SPATA13: variants seen among roughly 807,000 people sequenced by gnomAD.
SPATA13 encodes spermatogenesis associated 13.
SPATA13 carries 50 observed loss-of-function variants against 104.0 expected under a neutral mutation model. The observed-to-expected ratio is 0.48, with a 90% CI of 0.38 to 0.61. SPATA13 has a LOEUF of 0.61. SPATA13 is among the 20% of genes least tolerant of loss of function. The pLI, the probability that SPATA13 is intolerant of heterozygous loss-of-function variation, is 0.00. For synonymous variants in SPATA13, 606 were observed against 667.5 expected (o/e 0.91, Z 1.42); for missense variants, 1,524 against 1,690.6 (o/e 0.90, Z 1.73).
At chr13:24,247,636 C>T (rs946158971) in intron 2 of SPATA13, among the ~76,000 whole-genome samples, 3 of 152,038 alleles carry the variant, frequency 2.0e-5, no homozygotes, top group Admixed American at 1.3e-4. Flanking sequence ...GCACCTGTCA[C>T]CACACCTGGC....
intron 1 of SPATA13, among the ~76,000 whole-genome samples, chr13:24,197,576 A>C (rs142758522): frequency 6.6e-6 from 1 of 152,230 alleles, no homozygotes; most frequent in Non-Finnish European, 1.5e-5. Flanking sequence ...AAAGATAGAA[A>C]TAATTTGCAT....
intron 2 of SPATA13, among the ~76,000 whole-genome samples, chr13:24,232,924 T>C (rs977549325): frequency 6.6e-6 from 1 of 152,252 alleles, no homozygotes; most frequent in African/African-American, 2.4e-5. Context: ...TTTGTAGTTT[T>C]CTGTAGATCT....
At chr13:24,041,190 G>T (rs1877914813) in intron 3 of SPATA13, among the ~76,000 whole-genome samples, 1 of 152,206 alleles carries the variant, frequency 6.6e-6, no homozygotes, top group Non-Finnish European at 1.5e-5. Flanking sequence ...AACCACACTG[G>T]AAAATGGGAG....
intron 4 of SPATA13, among the ~76,000 whole-genome samples, chr13:24,277,316 C>G (rs186315476): frequency 6.6e-6 from 1 of 151,732 alleles, no homozygotes; most frequent in South Asian, 2.1e-4. Context: ...TGGTGGCGGG[C>G]GCCTGTAGTC....
intron 3 of SPATA13, among the ~76,000 whole-genome samples, chr13:24,250,133 G>A (rs763130577): frequency 5.8e-4 from 89 of 152,188 alleles, no homozygotes; most frequent in Admixed American, 1.8e-3. Flanking sequence ...GGGAAAGGTA[G>A]CAGGGCATAT....
chr13:24,155,082 T>C (rs1156844839), intron 3 of SPATA13, among the ~76,000 whole-genome samples: 1 of 152,104 alleles, frequency 6.6e-6, no homozygotes, highest in Admixed American at 6.6e-5. Context: ...GGGCTCAAAC[T>C]CCTGATCCAC....
intron 4 of SPATA13, among the ~76,000 whole-genome samples, chr13:24,253,949 G>T (rs376923035): frequency 3.7e-4 from 56 of 152,250 alleles, no homozygotes; most frequent in Middle Eastern, 3.4e-3. Context: ...GGCTGAGCTT[G>T]TTCTAAGTGT....
At chr13:24,132,662 G>T (rs1398143143) in intron 3 of SPATA13, among the ~76,000 whole-genome samples, 1 of 152,194 alleles carries the variant, frequency 6.6e-6, no homozygotes, top group East Asian at 1.9e-4. Flanking sequence ...AGAAAATGTG[G>T]TGTTTGGAAT....
chr13:24,283,557 C>T (rs1875704666), intron 4 of SPATA13, among the ~76,000 whole-genome samples: 1 of 152,248 alleles, frequency 6.6e-6, no homozygotes, highest in Admixed American at 6.5e-5. Context: ...AAAAGCTGCA[C>T]CATCCTTAAA....
At chr13:23,991,263 G>A (rs968479016) in intron 2 of SPATA13, among the ~76,000 whole-genome samples, 8 of 152,316 alleles carry the variant, frequency 5.3e-5, no homozygotes, top group African/African-American at 1.4e-4. Flanking sequence ...TAATACATTC[G>A]TGTCCCTCTC....
intron 3 of SPATA13, among the ~76,000 whole-genome samples, chr13:24,120,381 G>A (rs1215336238): frequency 6.6e-6 from 1 of 152,200 alleles, no homozygotes; most frequent in African/African-American, 2.4e-5. Context: ...GCTTTTCTTT[G>A]GGGAAGATGT....
chr13:24,003,782 G>T (rs573988101), intron 2 of SPATA13, among the ~76,000 whole-genome samples: 1 of 152,254 alleles, frequency 6.6e-6, no homozygotes, highest in African/African-American at 2.4e-5. Flanking sequence ...TTATAGTAAT[G>T]ATTTTAAAAT....
chr13:24,302,488 AAG>A, intron 12 of SPATA13, 108 bp from the exon 13 acceptor site: 68 of 439,732 alleles, frequency 1.5e-4, no homozygotes, highest in Middle Eastern at 7.3e-4. Flanking sequence ...AAAAAAAAAA[AAG>A]AATTAGCTGA....
chr13:24,278,922 T>TTCCC (rs1875236348), intron 4 of SPATA13: 5 of 1,082,986 alleles, frequency 4.6e-6, no homozygotes, highest in South Asian at 3.2e-5. Flanking sequence ...CCTTCCTTCC[T>TTCCC]TCCCTCTTTC....
chr13:24,116,178 A>G (rs150916645), intron 3 of SPATA13, among the ~76,000 whole-genome samples: 595 of 152,338 alleles, frequency 3.9e-3, no homozygotes, highest in Non-Finnish European at 6.9e-3. Flanking sequence ...GGGAAATCCA[A>G]GATCAAGGTG....
At chr13:24,000,194 G>A (rs2137671258) in intron 2 of SPATA13, among the ~76,000 whole-genome samples, 1 of 152,332 alleles carries the variant, frequency 6.6e-6, no homozygotes, top group East Asian at 1.9e-4. Context: ...GAAGGACATT[G>A]TGCCCTGAAA....
chr13:24,142,103 G>A (rs1339356352), intron 3 of SPATA13, among the ~76,000 whole-genome samples: 1 of 91,288 alleles, frequency 1.1e-5, no homozygotes, highest in Non-Finnish European at 2.4e-5. Flanking sequence ...ATCATTTGTA[G>A]GGAAAGGTTT....
At chr13:24,143,002 G>C (rs1233708258) in intron 3 of SPATA13, among the ~76,000 whole-genome samples, 1 of 152,190 alleles carries the variant, frequency 6.6e-6, no homozygotes, top group East Asian at 1.9e-4. Context: ...GGTTCACACA[G>C]AAGCTGACCC....
chr13:24,116,781 C>G (rs914526832), intron 3 of SPATA13, among the ~76,000 whole-genome samples: 1 of 145,860 alleles, frequency 6.9e-6, no homozygotes, highest in Non-Finnish European at 1.5e-5. Flanking sequence ...CCCCCCCCCC[C>G]AATGTGCTGA....
Sources: gnomAD v4.1 joint callset for allele counts (sites outside exome capture counted in the v4.1 genomes callset) on GRCh38, gnomAD v4.1.1 for gene constraint, MANE v1.5 for transcripts, NCBI Gene and HGNC (gene_info 2026-07-23, HGNC 2026-07-21) for gene names.